The following KDM5A variants were observed in gnomAD, a reference collection of about 807,000 sequenced individuals.
KDM5A encodes the protein lysine demethylase 5A, also known as lysine-specific demethylase 5A.
Under a neutral mutation model 193.5 loss-of-function variants are expected in KDM5A, and 42 were observed. The ratio of observed to expected loss-of-function variants is 0.22; its 90% CI spans 0.17 to 0.28. The LOEUF (loss-of-function observed/expected upper bound fraction) is 0.28. KDM5A is among the 10% of genes least tolerant of loss of function. KDM5A has a pLI of 1.00. For missense variants in KDM5A, 1,692 were observed against 2,055.1 expected, an observed-to-expected ratio of 0.82 and a Z score of 3.42; for synonymous variants, 796 against 718.1, an observed-to-expected ratio of 1.11 and a Z score of -1.73.
rs143680951 is a variant in KDM5A at position 345,028 on chromosome 12, C to T, written c.1308+5593G>A. On this transcript the variant is annotated intron_variant, in intron 10 of 27. Transcript: ENST00000399788. The stretch of plus-strand genomic sequence containing the variant: ...TGCCGTATTCAGGAGACCCATCTCA[C>T]GTGCAAAGACGCACACAGGCTCAAA... Among the ~76,000 whole-genome samples the T allele has an allele frequency of 6.3e-4, 96 of 151,970 alleles. 1 individual carries two copies. The East Asian group carries it at 0.015, about 24-fold the overall frequency.
intron 4 of KDM5A, among the ~76,000 whole-genome samples, chr12:363,332 A>C (rs1328955121): frequency 6.6e-6 from 1 of 152,206 alleles, no homozygotes; most frequent in Non-Finnish European, 1.5e-5. Context: ...TTTTGAAAAA[A>C]AGAACAAAAA....
Position 318,195 on chromosome 12 carries a change from A to G in KDM5A, c.2808T>C (p.His936=), listed in dbSNP as rs915397255. The G allele has an allele frequency of 6.2e-7, 1 of 1,614,188 alleles. No individual in the cohort carries two copies. The highest frequency in any genetic ancestry group is 8.5e-7 in the Non-Finnish European group (1 of 1,180,020). ...IDSGVGLAPH[H]AVEKAMAELQ... Reference sequence around the variant, plus strand: ...GTTCAGCCATTGCTTTCTCCACAGCATGGTGGGGTGCCAACCCTACCCCAG... The same window carrying G: ...GTTCAGCCATTGCTTTCTCCACAGCGTGGTGGGGTGCCAACCCTACCCCAG... The change falls in exon 19 of 28, where the codon CAT becomes CAC. Residue 936 remains histidine (H), a synonymous_variant. Transcript: ENST00000399788.
intron 19 of KDM5A, among the ~76,000 whole-genome samples, chr12:316,381 T>TG (rs1374587783): frequency 3.9e-5 from 6 of 152,198 alleles, no homozygotes; most frequent in African/African-American, 1.4e-4. Flanking sequence ...AAATAGCACC[T>TG]GGCATGTAGC....
intron 27 of KDM5A, among the ~76,000 whole-genome samples, chr12:288,183 TA>T (rs1275074620): frequency 2.6e-5 from 4 of 152,190 alleles, no homozygotes; most frequent in Non-Finnish European, 5.9e-5. Flanking sequence ...TAAAGCAAAC[TA>T]AAGTTTGGGA....
intron 3 of KDM5A, among the ~76,000 whole-genome samples, chr12:374,668 T>C (rs1404299211): frequency 3.9e-5 from 6 of 152,236 alleles, no homozygotes; most frequent in Non-Finnish European, 8.8e-5. Context: ...CTTCCTGGCA[T>C]CGATGGTCTT....
chr12:302,257 A>T (rs533432069), intron 24 of KDM5A, among the ~76,000 whole-genome samples: 2 of 152,312 alleles, frequency 1.3e-5, no homozygotes, highest in African/African-American at 4.8e-5. Context: ...GCATCACACT[A>T]CCTGACTTCA....
Position 377,153 on chromosome 12 carries a change from T to A in KDM5A, c.366+6878A>T, listed in dbSNP as rs554128965. On this transcript the variant is annotated intron_variant, in intron 3 of 27. Coordinates refer to ENST00000399788, the MANE Select transcript of KDM5A (RefSeq NM_001042603.3). ...CACTTAGACCTCTTCCAGGCAACTA[T>A]CCCTCTCCAACCCCAGCAGAAAACT... Among the ~76,000 whole-genome samples, 17 of 152,168 alleles carry A rather than the reference T, an allele frequency of 1.1e-4. No individual in the cohort carries two copies. The East Asian group carries it at 2.9e-3, about 26-fold the overall frequency.
At chr12:302,844 A>G (rs1943461032) in intron 24 of KDM5A, among the ~76,000 whole-genome samples, 2 of 152,226 alleles carry the variant, frequency 1.3e-5, no homozygotes, top group African/African-American at 4.8e-5. Flanking sequence ...ACCCCATCAA[A>G]AAGTAGGCGA....
intron 15 of KDM5A, 72 bp from the exon 16 acceptor site, chr12:323,278 T>TA (rs1943744571): frequency 2.2e-6 from 3 of 1,363,070 alleles, no homozygotes; most frequent in Non-Finnish European, 2.9e-6. Context: ...AACAATAACT[T>TA]AAAAATAAAG....
At chr12:326,604 G>A (rs537627914) in intron 14 of KDM5A, among the ~76,000 whole-genome samples, 2 of 152,334 alleles carry the variant, frequency 1.3e-5, no homozygotes, top group South Asian at 2.1e-4. Flanking sequence ...GCTCACGCCT[G>A]TAATCCCAGC....
intron 5 of KDM5A, among the ~76,000 whole-genome samples, chr12:357,827 CAA>C (rs61577928): frequency 3.7e-4 from 11 of 29,862 alleles, no homozygotes; most frequent in East Asian, 1.8e-3. Context: ...GACTCAGTCT[CAA>C]AAAAAAAAAA....
At chr12:352,130 A>AAAC (rs372715257) in intron 9 of KDM5A, 75 bp downstream of exon 9, 4 of 737,086 alleles carry the variant, frequency 5.4e-6, no homozygotes, top group African/African-American at 3.8e-5. Flanking sequence ...AAAAAAAAAA[A>AAAC]GAGGAAACTG....
Position 283,252 on chromosome 12 carries a change from T to C in KDM5A, c.*2204A>G, listed in dbSNP as rs1210730009. 1.3e-5 allele frequency: 3 copies of C among 231,662 alleles called. No individual in the cohort carries two copies. Among genetic ancestry groups the C allele is most frequent in the African/African-American group, 4.4e-5 (2 of 45,262 alleles). 14.4% of individuals were successfully genotyped at this position (231,662 alleles called of 1,614,324 possible). On this transcript the variant is annotated 3_prime_UTR_variant, in exon 28 of 28. Transcript: ENST00000399788. ...AAAGAAGATCAACAGGCAAAAAATA[T>C]TGTGCTTTCTTGTATAACATCAACC...
At chr12:362,360 T>A (rs1944303599) in intron 5 of KDM5A, among the ~76,000 whole-genome samples, 1 of 151,988 alleles carries the variant, frequency 6.6e-6, no homozygotes, top group South Asian at 2.1e-4. Flanking sequence ...AAAAATAAAT[T>A]AGGGCATTTT....
chr12:314,744 G>T (rs1662076752), intron 19 of KDM5A, among the ~76,000 whole-genome samples: 1 of 152,154 alleles, frequency 6.6e-6, no homozygotes, highest in African/African-American at 2.4e-5. Flanking sequence ...CAGGAGATGG[G>T]CTGAAAATAA....
rs767800478 is a variant in KDM5A at position 307,650 on chromosome 12, G to A, written c.3734C>T (p.Ala1245Val). 6.8e-6 allele frequency: 11 copies of A among 1,614,216 alleles called. No homozygotes were observed. The highest frequency in any genetic ancestry group is 8.5e-6 in the Non-Finnish European group (10 of 1,180,036). The stretch of plus-strand genomic sequence containing the variant: ...AGCACGTTCTGTCAAACACTGCAGG[G>A]CCTCTCCTTCAGGCAACCGTACGGG... ...KLPVRLPEGE[A>V]LQCLTERAMS... The change falls in exon 23 of 28, where the codon GCC becomes GTC. Residue 1245 changes from alanine to valine, a missense_variant. Coordinates refer to ENST00000399788, the MANE Select transcript of KDM5A (RefSeq NM_001042603.3). This position sits in a 1 kb window ranked among gnomAD's most constrained non-coding sequence, Gnocchi z 4.3.
Position 284,637 on chromosome 12 carries a change from TC to T in KDM5A, c.*818del. Reference sequence around the variant, plus strand: ...ACTGGTCATCATCGTCATCTTCTTCTCTTTTTTTTTTTGGCAGAAGCCTGGA... The same window carrying T: ...ACTGGTCATCATCGTCATCTTCTTCTTTTTTTTTTTTGGCAGAAGCCTGGA... On this transcript the variant is annotated 3_prime_UTR_variant, in exon 28 of 28. Coordinates refer to ENST00000399788, the MANE Select transcript of KDM5A (RefSeq NM_001042603.3). 2 of 231,968 alleles carry T rather than the reference TC, an allele frequency of 8.6e-6. No individual in the cohort carries two copies. The highest frequency in any genetic ancestry group is 6.1e-5 in the East Asian group (1 of 16,522). The allele number at this position is 231,968 out of a possible 1,614,324, so 14.4% of individuals were successfully genotyped here.
rs1408581973 is a variant in KDM5A, at chr12:280,500, A to T, written c.*4956T>A. On this transcript the variant is annotated 3_prime_UTR_variant, in exon 28 of 28. Coordinates refer to ENST00000399788, the MANE Select transcript of KDM5A (RefSeq NM_001042603.3). ...AACCCTCCTCCTAACATACACATACAGAGTTACACATTTCATGAAACTGAG... is the reference window on the plus strand; with the variant it reads ...AACCCTCCTCCTAACATACACATACTGAGTTACACATTTCATGAAACTGAG... The T allele has an allele frequency of 4.3e-6, 1 of 233,000 alleles. No homozygotes were observed. Among genetic ancestry groups the T allele is most frequent in the Non-Finnish European group, 8.5e-6 (1 of 117,976 alleles). The allele number at this position is 233,000 out of a possible 1,614,324, so 14.4% of individuals were successfully genotyped here. A position where few individuals can be genotyped will look rare whatever the true frequency, so the allele number is the denominator to read the frequency against.
In KDM5A at chr12:307,679, C is replaced by G. The variant is rs759584455; in HGVS notation, c.3705G>C (p.Lys1235Asn). The G allele has an allele frequency of 6.2e-7, 1 of 1,614,192 alleles. No homozygotes were observed. The highest frequency in any genetic ancestry group is 1.7e-5 in the Admixed American group (1 of 60,024). Reference sequence around the variant, plus strand: ...CTCCTTCAGGCAACCGTACGGGCAACTTCTGAAGGGATACCAGGAGTGACA... The same window carrying G: ...CTCCTTCAGGCAACCGTACGGGCAAGTTCTGAAGGGATACCAGGAGTGACA... ...TILSLLVSLQKLPVRLPEGEA... is the reference protein window; with the variant it reads ...TILSLLVSLQNLPVRLPEGEA... Residue 1235 changes from lysine to asparagine, a missense_variant, in exon 23 of 28, where the codon AAG (lysine) becomes AAC (asparagine). Physicochemically the swap from Lys to Asn is moderately conservative, Grantham distance 94. This residue lies in a region of KDM5A where 965 missense variants were observed against 1,061.0 expected (regional missense o/e 0.91). Coordinates refer to ENST00000399788, the MANE Select transcript of KDM5A (RefSeq NM_001042603.3). The surrounding 1 kb of genome is among the most constrained non-coding windows in gnomAD (Gnocchi z 4.3).
Sources: gnomAD v4.1 joint callset for allele counts (sites outside exome capture counted in the v4.1 genomes callset) on GRCh38, gnomAD v4.1.1 for gene constraint, gnomAD v4.1.1 regional missense constraint, Gnocchi (gnomAD v3.1) non-coding constraint, MANE v1.5 for transcripts, NCBI Gene and HGNC (gene_info 2026-07-23, HGNC 2026-07-21) for gene names.